TIAM2: variants seen among roughly 807,000 people sequenced by gnomAD.
The protein encoded by TIAM2 is rho guanine nucleotide exchange factor TIAM2.
TIAM2 carries 80 observed loss-of-function variants against 152.9 expected under a neutral mutation model. That is an observed-to-expected ratio of 0.52 (90% CI 0.44 to 0.63). TIAM2 has a LOEUF of 0.63. TIAM2 is among the 30% of genes least tolerant of loss of function. TIAM2 has a pLI of 0.00. For missense variants in TIAM2, 1,965 were observed against 2,120.1 expected (o/e 0.93, Z 1.44); for synonymous variants, 804 against 838.0 (o/e 0.96, Z 0.70).
At chr6:155,000,307 C>T (rs371369866) in intron 1 of TIAM2, among the ~76,000 whole-genome samples, 92 of 151,992 alleles carry the variant, frequency 6.1e-4, no homozygotes, top group African/African-American at 2.0e-3. Context: ...GGCCAAGGGG[C>T]GGATCACCTG....
chr6:155,247,907 A>G (rs1783427556), intron 19 of TIAM2, 93 bp from the exon 20 acceptor site: 3 of 1,450,800 alleles, frequency 2.1e-6, no homozygotes, highest in African/African-American at 2.8e-5. Context: ...GGAGGACTAT[A>G]GAAATAGATG....
rs1490659870 is a variant in TIAM2, at chr6:155,129,732, A to C, written c.509A>C (p.Asp170Ala). Residue 170 changes from aspartate to alanine, a missense_variant, in exon 4 of 27, where the codon GAT becomes GCT. By Grantham distance (126) the Asp-to-Ala change is moderately radical (BLOSUM62 -2). Transcript: ENST00000682666. This position sits in a 1 kb window ranked among gnomAD's most constrained non-coding sequence, Gnocchi z 4.8. ...RVLIKTLGKL[D>A]GCLRVEFHNG... Reference sequence around the variant, plus strand: ...CTCATCAAAACGCTGGGGAAGCTGGATGGGTGTTTAAGGGTCGAGTTCCAC... The same window carrying C: ...CTCATCAAAACGCTGGGGAAGCTGGCTGGGTGTTTAAGGGTCGAGTTCCAC... 1 of 1,613,830 alleles carries C rather than the reference A, an allele frequency of 6.2e-7. No homozygotes were observed. Among genetic ancestry groups the C allele is most frequent in the East Asian group, 2.2e-5 (1 of 44,886 alleles).
At chr6:155,026,122 G>A (rs1204083880) in intron 1 of TIAM2, among the ~76,000 whole-genome samples, 1 of 152,062 alleles carries the variant, frequency 6.6e-6, no homozygotes, top group African/African-American at 2.4e-5. Context: ...CTCAAATCCA[G>A]GCATTCAGCT....
intron 7 of TIAM2, among the ~76,000 whole-genome samples, chr6:155,160,774 AAAAC>A (rs72166694): frequency 0.46 from 70,296 of 151,354 alleles, 16,773 homozygotes; most frequent in East Asian, 0.54. Flanking sequence ...AACAAAAACA[AAAAC>A]AAACAAACAA....
At chr6:155,146,236 C>T (rs1779815691) in intron 6 of TIAM2, among the ~76,000 whole-genome samples, 1 of 152,008 alleles carries the variant, frequency 6.6e-6, no homozygotes, top group South Asian at 2.1e-4. Context: ...AAAAAATTAG[C>T]CAGGCATGGT....
chr6:155,208,934 C>T (rs899276755), intron 14 of TIAM2, among the ~76,000 whole-genome samples: 2 of 152,052 alleles, frequency 1.3e-5, no homozygotes, highest in African/African-American at 4.8e-5. Flanking sequence ...CTAGCATTGG[C>T]CTTTACTCAG....
intron 7 of TIAM2, among the ~76,000 whole-genome samples, chr6:155,158,999 A>G (rs976358421): frequency 2.0e-5 from 3 of 152,170 alleles, no homozygotes; most frequent in Non-Finnish European, 4.4e-5. Context: ...TTTGGTGATT[A>G]TTATCATTGA....
chr6:155,226,730 A>C (rs1273316962), intron 15 of TIAM2, among the ~76,000 whole-genome samples: 2 of 152,216 alleles, frequency 1.3e-5, no homozygotes, highest in Non-Finnish European at 1.5e-5. Context: ...TGCTTAAAAA[A>C]ATCTTTAAGA....
chr6:155,096,560 T>C (rs1346773573), intron 2 of TIAM2, among the ~76,000 whole-genome samples: 1 of 152,184 alleles, frequency 6.6e-6, no homozygotes, highest in Admixed American at 6.5e-5. Flanking sequence ...TTCATTAGAC[T>C]TACTTTTTTT....
chr6:155,119,735 T>G (rs1779108774), intron 2 of TIAM2, among the ~76,000 whole-genome samples: 1 of 152,240 alleles, frequency 6.6e-6, no homozygotes, highest in South Asian at 2.1e-4. Flanking sequence ...CTACCTCTTG[T>G]GGTTTTATAA....
At chr6:155,158,446 AAGAT>A (rs1380453830) in intron 7 of TIAM2, among the ~76,000 whole-genome samples, 6 of 152,372 alleles carry the variant, frequency 3.9e-5, no homozygotes, top group African/African-American at 1.2e-4. Context: ...TTCACAATGA[AAGAT>A]AATGAAAACC....
chr6:155,169,417 A>G (rs1405545723), intron 9 of TIAM2, among the ~76,000 whole-genome samples: 1 of 152,242 alleles, frequency 6.6e-6, no homozygotes, highest in African/African-American at 2.4e-5. Context: ...AATGCCAAGC[A>G]TTTTGGAGGT....
At chr6:155,249,755 A>G (rs1783539383) in intron 20 of TIAM2, 96 bp from the exon 21 acceptor site, 1 of 1,031,780 alleles carries the variant, frequency 9.7e-7, no homozygotes. Flanking sequence ...CTGGTCTGGA[A>G]TCCTGAGTTG....
chr6:155,029,490 G>A lies in TIAM2; in HGVS notation c.-209+33998G>A, dbSNP rs1403078375. Among the ~76,000 whole-genome samples, 75 of 31,192 alleles carry A rather than the reference G, an allele frequency of 2.4e-3. 14 individuals are homozygous for A. Among genetic ancestry groups the A allele is most frequent in the African/African-American group, 5.1e-3 (40 of 7,864 alleles). The allele number at this position is 31,192 out of a possible 152,430, so 20.5% of individuals were successfully genotyped here. ...TATATACTATAGTATATATACTATA[G>A]TATATATTATATATAATATATACTA... is the stretch of plus-strand genomic sequence containing the variant. On this transcript the variant is annotated intron_variant, in intron 1 of 26. Transcript: ENST00000682666.
intron 1 of TIAM2, among the ~76,000 whole-genome samples, chr6:155,069,712 T>C (rs973229622): frequency 6.6e-6 from 1 of 152,070 alleles, no homozygotes; most frequent in Non-Finnish European, 1.5e-5. Flanking sequence ...ATTAGAAAAA[T>C]GACAACAAAT....
intron 15 of TIAM2, among the ~76,000 whole-genome samples, chr6:155,226,699 T>G (rs1485801663): frequency 1.3e-5 from 2 of 152,030 alleles, no homozygotes; most frequent in Non-Finnish European, 2.9e-5. Flanking sequence ...GAAAAAAAGA[T>G]TGCAGATGGT....
In TIAM2 at chr6:155,002,738, T is replaced by C. The variant is rs141768554; in HGVS notation, c.-209+7246T>C. Among the ~76,000 whole-genome samples the C allele has an allele frequency of 8.1e-3, 1,238 of 152,032 alleles. 11 individuals carry two copies. The highest frequency in any genetic ancestry group is 0.029 in the African/African-American group (1,196 of 41,512). On this transcript the variant is annotated intron_variant, in intron 1 of 26. Coordinates refer to ENST00000682666, the MANE Select transcript of TIAM2 (RefSeq NM_012454.4). The stretch of plus-strand genomic sequence containing the variant: ...TTCTGTTGCTCAGGCTGGAGTGCAG[T>C]GGTATGATCTCAGCTCACTGCGAAC...
rs1253416024 is a variant in TIAM2, at chr6:155,028,164, CATATA to C, written c.-209+32678_-209+32682del. Among the ~76,000 whole-genome samples the C allele has an allele frequency of 5.0e-4, 42 of 83,430 alleles. 2 individuals are homozygous for C. Among genetic ancestry groups the C allele is most frequent in the Admixed American group, 1.2e-3 (10 of 8,328 alleles). The allele number at this position is 83,430 out of a possible 152,430, so 54.7% of individuals were successfully genotyped here. A position where few individuals can be genotyped will look rare whatever the true frequency, so the allele number is the denominator to read the frequency against. Reference sequence around the variant, plus strand: ...TATATGTACTGTTACATATATACTACATATAATATATGTACTGTGTTACATATATA... The same window carrying C: ...TATATGTACTGTTACATATATACTACATATATGTACTGTGTTACATATATA... On this transcript the variant is annotated intron_variant, in intron 1 of 26. Transcript: ENST00000682666.
intron 15 of TIAM2, among the ~76,000 whole-genome samples, chr6:155,225,466 G>A (rs1402233344): frequency 1.3e-5 from 2 of 152,138 alleles, no homozygotes; most frequent in Non-Finnish European, 2.9e-5. Context: ...GAGGCTTACA[G>A]GTAACTTCTA....
Sources: allele counts gnomAD v4.1 joint callset (sites outside exome capture counted in the v4.1 genomes callset), GRCh38; gene constraint gnomAD v4.1.1; non-coding constraint Gnocchi (gnomAD v3.1); transcripts MANE v1.5; gene names NCBI Gene and HGNC (gene_info 2026-07-23, HGNC 2026-07-21).